Variants in DOCK6 observed in about 807,000 individuals in gnomAD.
The protein encoded by DOCK6 is dedicator of cytokinesis protein 6.
DOCK6 carries 167 observed loss-of-function variants against 230.3 expected under a neutral mutation model. The observed-to-expected ratio is 0.73, with a 90% CI of 0.64 to 0.82. DOCK6 has a LOEUF of 0.82. Among genes scored for constraint, DOCK6 ranks in the 40% least tolerant of loss-of-function variants. The pLI is 0.00. For synonymous variants in DOCK6, 1,148 were observed against 1,185.0 expected, an observed-to-expected ratio of 0.97 and a Z score of 0.64; for missense variants, 2,598 against 2,825.8, an observed-to-expected ratio of 0.92 and a Z score of 1.83.
chr19:11,252,132 C>T lies in DOCK6; in HGVS notation c.494G>A (p.Gly165Asp). The T allele has an allele frequency of 6.3e-7, 1 of 1,589,390 alleles. No homozygotes were observed. Among genetic ancestry groups the T allele is most frequent in the Non-Finnish European group, 8.6e-7 (1 of 1,168,526 alleles). ...EQDASGDERS[G>D]PEDSNDSRRG... is the part of the protein sequence containing the mutation. Reference sequence around the variant, plus strand: ...GGGCTTCCTCACCGAGTCCTCAGGGCCGGACCTCTCGTCTCCAGAAGCATC... The same window carrying T: ...GGGCTTCCTCACCGAGTCCTCAGGGTCGGACCTCTCGTCTCCAGAAGCATC... The change falls in exon 5 of 48, where the codon GGC becomes GAC. Residue 165 changes from glycine (G) to aspartate (D), a missense_variant. Physicochemically the swap from Gly to Asp is moderately conservative, Grantham distance 94. Transcript: ENST00000294618.
rs1280051394 is a variant in DOCK6, at chr19:11,235,649, A to C, written c.2503T>G (p.Tyr835Asp). ...GGAAGGCGAAAGGCGTAGTGGACGTAGGCAGCCAGCTGTGGGCAGTGACCG... is the reference window on the plus strand; with the variant it reads ...GGAAGGCGAAAGGCGTAGTGGACGTCGGCAGCCAGCTGTGGGCAGTGACCG... ...ARGHCPQLAAYVHYAFRLPGT... is the reference protein window; with the variant it reads ...ARGHCPQLAADVHYAFRLPGT... The change falls in exon 21 of 48, where the codon TAC (tyrosine) becomes GAC (aspartate). Residue 835 changes from tyrosine (Y) to aspartate (D), a missense_variant. By Grantham distance (160) the Tyr-to-Asp change is radical. Coordinates refer to ENST00000294618, the MANE Select transcript of DOCK6 (RefSeq NM_020812.4). 66 of 1,603,582 alleles carry C rather than the reference A, an allele frequency of 4.1e-5. No individual in the cohort carries two copies. Among genetic ancestry groups the C allele is most frequent in the Non-Finnish European group, 5.4e-5 (63 of 1,175,416 alleles).
At chr19:11,215,775 G>A in intron 31 of DOCK6, 26 bp downstream of exon 31, 1 of 1,613,648 alleles carries the variant, frequency 6.2e-7, no homozygotes, top group Non-Finnish European at 8.5e-7. Flanking sequence ...GTGGGATGGG[G>A]ACACGTGGGT....
chr19:11,251,306 C>T (rs2080114584), intron 5 of DOCK6: 2 of 556,442 alleles, frequency 3.6e-6, no homozygotes, highest in African/African-American at 3.8e-5. Flanking sequence ...GGAGGCTACT[C>T]CTTATCCCAC....
At position 11,236,360 on chromosome 19, in the gene DOCK6, A is replaced by G; in HGVS notation, c.2378T>C (p.Ile793Thr). 1 of 1,561,438 alleles carries G rather than the reference A, an allele frequency of 6.4e-7. No individual in the cohort carries two copies. Among genetic ancestry groups the G allele is most frequent in the Non-Finnish European group, 8.7e-7 (1 of 1,151,534 alleles). Reference sequence around the variant, plus strand: ...CATTCGCTTACCAATCTGGCCACTGATGATCGGGGGCCTGATGACCAGACG... The same window carrying G: ...CATTCGCTTACCAATCTGGCCACTGGTGATCGGGGGCCTGATGACCAGACG... ...LVRLVIRPPI[I>T]SGQIVNLGRG... is the part of the protein sequence containing the mutation. The change falls in exon 20 of 48, where the codon ATC (isoleucine) becomes ACC (threonine). Residue 793 changes from isoleucine (I) to threonine (T), a missense_variant. Physicochemically the swap from Ile to Thr is moderately conservative, Grantham distance 89. Coordinates refer to ENST00000294618, the MANE Select transcript of DOCK6 (RefSeq NM_020812.4). The surrounding 1 kb of genome is among the most constrained non-coding windows in gnomAD (Gnocchi z 5.2).
chr19:11,253,073 A>G (rs1005472460), intron 2 of DOCK6, 115 bp from the exon 3 acceptor site: 5 of 1,068,110 alleles, frequency 4.7e-6, no homozygotes, highest in Admixed American at 4.9e-5. Flanking sequence ...GGTGGGAGCC[A>G]TGGAGGGTGT....
At chr19:11,249,286 GCAGATCACAAGGT>G (rs2080081325) in intron 6 of DOCK6, among the ~76,000 whole-genome samples, 1 of 152,008 alleles carries the variant, frequency 6.6e-6, no homozygotes, top group African/African-American at 2.4e-5. Flanking sequence ...GCTGAGGCGG[GCAGATCACAAGGT>G]CAGGAGTTTG....
At chr19:11,239,429 C>A (rs1003003216) in intron 14 of DOCK6, among the ~76,000 whole-genome samples, 6 of 152,206 alleles carry the variant, frequency 3.9e-5, no homozygotes, top group Non-Finnish European at 7.3e-5. Context: ...CAATGCCCCC[C>A]ACCCACACCT....
rs146267208 is a variant in DOCK6, at chr19:11,229,084, G to A, written c.2719-49C>T. ...AGAGTGCGAGGTGCCACCCCTTCCCGTACCCCCTCTGGAGACATGCCAGGG... is the reference window on the plus strand; with the variant it reads ...AGAGTGCGAGGTGCCACCCCTTCCCATACCCCCTCTGGAGACATGCCAGGG... On this transcript the variant is annotated intron_variant, in intron 22 of 47. Coordinates refer to ENST00000294618, the MANE Select transcript of DOCK6 (RefSeq NM_020812.4). The A allele has an allele frequency of 4.1e-4, 634 of 1,555,964 alleles. 6 individuals are homozygous for A. The East Asian group carries it at 9.9e-3, about 24-fold the overall frequency.
At position 11,199,475 on chromosome 19, in the gene DOCK6, T is replaced by C. The variant is rs2079130851; in HGVS notation, c.*22A>G. On this transcript the variant is annotated 3_prime_UTR_variant, in exon 48 of 48. Coordinates refer to ENST00000294618, the MANE Select transcript of DOCK6 (RefSeq NM_020812.4). Reference sequence around the variant, plus strand: ...AGGCCCGGGTGCTGGTTCCTCTAGGTACAGCTTTGGTCCTTGTGGGCTCAG... The same window carrying C: ...AGGCCCGGGTGCTGGTTCCTCTAGGCACAGCTTTGGTCCTTGTGGGCTCAG... 1 of 1,572,246 alleles carries C rather than the reference T, an allele frequency of 6.4e-7. No homozygotes were observed. The highest frequency in any genetic ancestry group is 8.6e-7 in the Non-Finnish European group (1 of 1,158,538).
intron 1 of DOCK6, 188 bp from the exon 2 acceptor site, chr19:11,253,914 C>A: frequency 2.0e-6 from 1 of 511,416 alleles, no homozygotes; most frequent in Non-Finnish European, 3.4e-6. Flanking sequence ...CCATCAAGCA[C>A]AGATCAGGAG....
rs1037921877 is a variant in DOCK6, at chr19:11,199,398, C to T, written c.*99G>A. 7.7e-6 allele frequency: 11 copies of T among 1,427,890 alleles called. No homozygotes were observed. In the South Asian group the frequency reaches 1.2e-4, roughly 16 times the overall value. The allele number at this position is 1,427,890 out of a possible 1,614,324, so 88.5% of individuals were successfully genotyped here. On this transcript the variant is annotated 3_prime_UTR_variant, in exon 48 of 48. Transcript: ENST00000294618. Reference sequence around the variant, plus strand: ...CCAGCCCCAAGTACAGTGTGGTCACCCCACAGCCCAGTGGGCACCAGGGCA... The same window carrying T: ...CCAGCCCCAAGTACAGTGTGGTCACTCCACAGCCCAGTGGGCACCAGGGCA...
In DOCK6 at chr19:11,238,168, C is replaced by T. The variant is rs779736066; in HGVS notation, c.1761+19G>A. On this transcript the variant is annotated intron_variant, in intron 15 of 47. Transcript: ENST00000294618. ...ATGGGGGATGCCCTACCCCCCTTCCCTGGGGCACAGCCACTGACCGGCAGA... is the reference window on the plus strand; with the variant it reads ...ATGGGGGATGCCCTACCCCCCTTCCTTGGGGCACAGCCACTGACCGGCAGA... 1.2e-6 allele frequency: 2 copies of T among 1,613,816 alleles called. No homozygotes were observed. The highest frequency in any genetic ancestry group is 2.2e-5 in the South Asian group (2 of 91,086).
At chr19:11,242,977 G>C in intron 13 of DOCK6, 82 bp downstream of exon 13, 1 of 1,522,276 alleles carries the variant, frequency 6.6e-7, no homozygotes, top group Non-Finnish European at 9.1e-7. Flanking sequence ...TGATGCCCCT[G>C]GCACAGTAGG....
intron 1 of DOCK6, among the ~76,000 whole-genome samples, chr19:11,261,634 C>T (rs1042482419): frequency 2.0e-5 from 3 of 152,164 alleles, no homozygotes; most frequent in African/African-American, 7.2e-5. Flanking sequence ...TATACCCCTC[C>T]CAGGCTGTGA....
rs752103112 is a variant in DOCK6 at position 11,245,633 on chromosome 19, A to G, written c.953T>C (p.Ile318Thr). The change falls in exon 9 of 48, where the codon ATC becomes ACC. Residue 318 changes from isoleucine (I) to threonine (T), a missense_variant. By Grantham distance (89) the Ile-to-Thr change is moderately conservative. Transcript: ENST00000294618. ...LLRAHGTHPA[I>T]STLARSAIFS... ...GATGGCAGAGCGGGCCAGGGTGGAG[A>G]TGGCAGGGTGGGTGCCATGAGCCCG... 6.2e-7 allele frequency: 1 copy of G among 1,603,818 alleles called. No individual in the cohort carries two copies. The highest frequency in any genetic ancestry group is 1.1e-5 in the South Asian group (1 of 89,140).
At chr19:11,228,517 C>A (rs556209179) in intron 23 of DOCK6, among the ~76,000 whole-genome samples, 50 of 151,190 alleles carry the variant, frequency 3.3e-4, no homozygotes, top group Middle Eastern at 3.4e-3. Context: ...TCTCTTGGGG[C>A]CATTTCTCAA....
rs940565041 is a variant in DOCK6 at position 11,241,735 on chromosome 19, C to T, written c.1643+310G>A. On this transcript the variant is annotated intron_variant, in intron 14 of 47. Transcript: ENST00000294618. Reference sequence around the variant, plus strand: ...ACCAATCATGCTGCAAGGAACACTTCCACGCCCCGTGAGGCCCCTGTGCAG... The same window carrying T: ...ACCAATCATGCTGCAAGGAACACTTTCACGCCCCGTGAGGCCCCTGTGCAG... 16 of 1,561,954 alleles carry T rather than the reference C, an allele frequency of 1.0e-5. No homozygotes were observed. In the African/African-American group the frequency reaches 2.2e-4, roughly 21 times the overall value.
chr19:11,215,238 C>T (rs983648576), intron 32 of DOCK6, 149 bp downstream of exon 32: 25 of 635,586 alleles, frequency 3.9e-5, no homozygotes, highest in Non-Finnish European at 6.0e-5. Flanking sequence ...CCACTGCGCC[C>T]GGCCCATGCC....
chr19:11,240,163 C>T, intron 14 of DOCK6: 1 of 1,552,128 alleles, frequency 6.4e-7, no homozygotes, highest in Non-Finnish European at 8.7e-7. Context: ...CAGCTGCAGG[C>T]AGAGGCCACA....
Sources: gnomAD v4.1 joint callset for allele counts (sites outside exome capture counted in the v4.1 genomes callset) on GRCh38, gnomAD v4.1.1 for gene constraint, Gnocchi (gnomAD v3.1) non-coding constraint, MANE v1.5 for transcripts, NCBI Gene and HGNC (gene_info 2026-07-23, HGNC 2026-07-21) for gene names.